The following FBXL7 variants were observed in gnomAD, a reference collection of about 807,000 sequenced individuals.
The protein encoded by FBXL7 is F-box and leucine rich repeat protein 7, also known as F-box/LRR-repeat protein 7.
FBXL7 carries 12 observed loss-of-function variants against 38.3 expected under a neutral mutation model. The ratio of observed to expected loss-of-function variants is 0.31; its 90% CI spans 0.20 to 0.51. The LOEUF is 0.51. Ranked by LOEUF, FBXL7 falls within the 20% of genes least tolerant of loss-of-function variation. FBXL7 has a pLI of 0.98. For synonymous variants in FBXL7, 297 were observed against 300.9 expected, an observed-to-expected ratio of 0.99 and a Z score of 0.13; for missense variants, 567 against 676.4, an observed-to-expected ratio of 0.84 and a Z score of 1.79.
At chr5:15,811,120 A>G (rs1357514595) in intron 2 of FBXL7, among the ~76,000 whole-genome samples, 1 of 152,186 alleles carries the variant, frequency 6.6e-6, no homozygotes, top group Admixed American at 6.5e-5. Context: ...GTCAGATGCA[A>G]AAGTGAGATA....
At position 15,747,787 on chromosome 5, in the gene FBXL7, A is replaced by G. The variant is rs565582893; in HGVS notation, c.127+131715A>G. Among the ~76,000 whole-genome samples, 141 of 152,198 alleles carry G rather than the reference A, an allele frequency of 9.3e-4. 2 individuals are homozygous for G. In the East Asian group the frequency reaches 0.015, roughly 16 times the overall value. On this transcript the variant is annotated intron_variant, in intron 2 of 3. Coordinates refer to ENST00000504595, the MANE Select transcript of FBXL7 (RefSeq NM_012304.5). Reference sequence around the variant, plus strand: ...ATCTGTAACTCATCCTCCCACTTATAAATATTACCCCATCTTTCTTACTTA... The same window carrying G: ...ATCTGTAACTCATCCTCCCACTTATGAATATTACCCCATCTTTCTTACTTA...
At chr5:15,650,849 G>A (rs761657778) in intron 2 of FBXL7, among the ~76,000 whole-genome samples, 14 of 152,064 alleles carry the variant, frequency 9.2e-5, no homozygotes, top group Non-Finnish European at 1.6e-4. Flanking sequence ...TAATTCTCTT[G>A]CTATTTCCAC....
At chr5:15,926,470 G>A (rs1295981971) in intron 2 of FBXL7, among the ~76,000 whole-genome samples, 1 of 148,218 alleles carries the variant, frequency 6.7e-6, no homozygotes, top group African/African-American at 2.5e-5. Flanking sequence ...CCATGTATAT[G>A]GTTATATATA....
At chr5:15,616,093 ATC>A (rs3032721) in intron 2 of FBXL7, 21 bp downstream of exon 2, 16 of 1,558,544 alleles carry the variant, frequency 1.0e-5, no homozygotes, top group South Asian at 4.5e-5. Flanking sequence ...GGTCTTCATT[ATC>A]TCTCTTTCTT....
chr5:15,558,237 T>TA (rs1738310714), intron 1 of FBXL7, among the ~76,000 whole-genome samples: 1 of 152,232 alleles, frequency 6.6e-6, no homozygotes, highest in South Asian at 2.1e-4. Context: ...GTGATGATCT[T>TA]ATTAACAGCA....
At chr5:15,771,888 C>G (rs1222779787) in intron 2 of FBXL7, among the ~76,000 whole-genome samples, 1 of 151,082 alleles carries the variant, frequency 6.6e-6, no homozygotes, top group African/African-American at 2.4e-5. Flanking sequence ...CTGCTTCAGC[C>G]TCTCAAGTAG....
intron 2 of FBXL7, among the ~76,000 whole-genome samples, chr5:15,708,905 T>C (rs1743771235): frequency 6.6e-6 from 1 of 152,190 alleles, no homozygotes; most frequent in Non-Finnish European, 1.5e-5. Flanking sequence ...GGTGATGTGC[T>C]TTAGGGTTTT....
intron 1 of FBXL7, among the ~76,000 whole-genome samples, chr5:15,550,478 T>C (rs1738033467): frequency 6.6e-6 from 1 of 152,172 alleles, no homozygotes; most frequent in Non-Finnish European, 1.5e-5. Context: ...AAGGTGCTAT[T>C]GAGGCACCCA....
chr5:15,654,055 C>G (rs957598636), intron 2 of FBXL7, among the ~76,000 whole-genome samples: 6 of 152,186 alleles, frequency 3.9e-5, no homozygotes, highest in African/African-American at 1.4e-4. Context: ...GGTTTACAGT[C>G]ATGCAAATGT....
intron 2 of FBXL7, among the ~76,000 whole-genome samples, chr5:15,673,519 A>G (rs1251396352): frequency 6.6e-6 from 1 of 152,130 alleles, no homozygotes; most frequent in African/African-American, 2.4e-5. Context: ...ACACAGAGAC[A>G]CATTTTTAAG....
chr5:15,747,859 G>A (rs1736054495), intron 2 of FBXL7, among the ~76,000 whole-genome samples: 1 of 152,132 alleles, frequency 6.6e-6, no homozygotes, highest in Non-Finnish European at 1.5e-5. Context: ...TTCCCCACCT[G>A]GGGGCAGCTG....
intron 2 of FBXL7, among the ~76,000 whole-genome samples, chr5:15,920,720 C>G (rs1741718247): frequency 6.6e-6 from 1 of 152,062 alleles, no homozygotes; most frequent in Non-Finnish European, 1.5e-5. Flanking sequence ...GGGGTTTCAC[C>G]ATGTTCACCA....
intron 2 of FBXL7, among the ~76,000 whole-genome samples, chr5:15,642,717 T>C (rs1259823011): frequency 1.3e-5 from 2 of 152,148 alleles, no homozygotes; most frequent in African/African-American, 4.8e-5. Flanking sequence ...CAGACCTAGA[T>C]AGGCCAACGG....
At chr5:15,724,553 A>G (rs1431016489) in intron 2 of FBXL7, among the ~76,000 whole-genome samples, 1 of 152,178 alleles carries the variant, frequency 6.6e-6, no homozygotes, top group African/African-American at 2.4e-5. Flanking sequence ...TTCACAATAG[A>G]TTAGTTTTAA....
At chr5:15,715,315 A>C (rs943522696) in intron 2 of FBXL7, among the ~76,000 whole-genome samples, 7 of 151,910 alleles carry the variant, frequency 4.6e-5, no homozygotes, top group Middle Eastern at 3.4e-3. Context: ...ACATGGTGAA[A>C]CCCCGTCTCT....
Position 15,920,863 on chromosome 5 carries a change from G to T in FBXL7, c.128-7027G>T, listed in dbSNP as rs13159340. ...GTCTTTTGGTTGTATTCAGCTTTCT[G>T]ATATCATTGGGAGACAGTTAAATCA... is the stretch of plus-strand genomic sequence containing the variant. On this transcript the variant is annotated intron_variant, in intron 2 of 3. Transcript: ENST00000504595. Among the ~76,000 whole-genome samples the T allele has an allele frequency of 6.8e-3, 1,036 of 152,036 alleles. 2 individuals are homozygous for T. Among genetic ancestry groups the T allele is most frequent in the Non-Finnish European group, 1.0e-2 (679 of 67,972 alleles).
chr5:15,917,469 A>C (rs894038375), intron 2 of FBXL7, among the ~76,000 whole-genome samples: 4 of 152,116 alleles, frequency 2.6e-5, no homozygotes, highest in African/African-American at 9.7e-5. Flanking sequence ...TGAGCCAGGC[A>C]TGGCAGCATG....
chr5:15,552,255 CT>C (rs1738096501), intron 1 of FBXL7, among the ~76,000 whole-genome samples: 1 of 152,176 alleles, frequency 6.6e-6, no homozygotes, highest in Non-Finnish European at 1.5e-5. Flanking sequence ...GGTAGAAATA[CT>C]TTTATCCTCT....
At chr5:15,604,010 CCTGTA>C (rs781509579) in intron 1 of FBXL7, among the ~76,000 whole-genome samples, 3 of 152,232 alleles carry the variant, frequency 2.0e-5, no homozygotes, top group East Asian at 3.9e-4. Flanking sequence ...AAGGTGCATG[CCTGTA>C]ATCCCAGCTT....
Sources: gnomAD v4.1 joint callset for allele counts (sites outside exome capture counted in the v4.1 genomes callset) on GRCh38, gnomAD v4.1.1 for gene constraint, MANE v1.5 for transcripts, NCBI Gene and HGNC (gene_info 2026-07-23, HGNC 2026-07-21) for gene names.